BRD10: variants seen among roughly 807,000 people sequenced by gnomAD.
The protein encoded by BRD10 is bromodomain containing 10, also known as uncharacterized bromodomain-containing protein 10.
At chr9:5,996,988 C>T in the BRD10 span, among the ~76,000 whole-genome samples, 14 of 152,178 alleles carry the variant, frequency 9.2e-5, no homozygotes, top group Admixed American at 2.6e-4. Context: ...GGCTTCCTGT[C>T]CCTGGCCAAC....
the BRD10 span, among the ~76,000 whole-genome samples, chr9:5,902,355 G>A: frequency 6.6e-6 from 1 of 151,996 alleles, no homozygotes; most frequent in Non-Finnish European, 1.5e-5. Flanking sequence ...AGTAGTTTGT[G>A]CCTTTTTATT....
At chr9:5,919,847 G>A in the BRD10 span, 2 of 1,613,910 alleles carry the variant, frequency 1.2e-6, no homozygotes, top group Non-Finnish European at 1.7e-6. Flanking sequence ...GGCTCCTTCT[G>A]GGCTAACCAA....
chr9:5,930,100 A>G, the BRD10 span, among the ~76,000 whole-genome samples: 5,192 of 149,992 alleles, frequency 0.035, 242 homozygotes, highest in South Asian at 0.11. Flanking sequence ...ACCATCACCT[A>G]CTGTTACATA....
At chr9:5,901,756 A>G in the BRD10 span, among the ~76,000 whole-genome samples, 1 of 152,074 alleles carries the variant, frequency 6.6e-6, no homozygotes. Flanking sequence ...TCCTGAGCAC[A>G]AGCAATCCAC....
At chr9:5,939,196 G>A in the BRD10 span, among the ~76,000 whole-genome samples, 1 of 152,030 alleles carries the variant, frequency 6.6e-6, no homozygotes, top group Non-Finnish European at 1.5e-5. Context: ...CGTTATTAAT[G>A]TTATAAAACC....
the BRD10 span, among the ~76,000 whole-genome samples, chr9:5,933,558 C>G: frequency 6.6e-6 from 1 of 152,180 alleles, no homozygotes; most frequent in Non-Finnish European, 1.5e-5. Flanking sequence ...ATTGCTACAA[C>G]AAGGAACTGG....
the BRD10 span, among the ~76,000 whole-genome samples, chr9:5,949,859 T>C: frequency 6.6e-6 from 1 of 152,194 alleles, no homozygotes; most frequent in African/African-American, 2.4e-5. Context: ...AAAGTAACTA[T>C]TAGGAAAACT....
the BRD10 span, among the ~76,000 whole-genome samples, chr9:5,954,685 A>C: frequency 6.6e-6 from 1 of 152,244 alleles, no homozygotes; most frequent in Non-Finnish European, 1.5e-5. Flanking sequence ...TTGTGGAATC[A>C]GAAACCACTG....
At chr9:5,928,426 T>G in the BRD10 span, among the ~76,000 whole-genome samples, 3 of 152,180 alleles carry the variant, frequency 2.0e-5, no homozygotes, top group African/African-American at 7.2e-5. Context: ...TTCAATGGCT[T>G]CTCACCTAAC....
chr9:5,916,999 G>T, the BRD10 span, among the ~76,000 whole-genome samples: 1 of 152,106 alleles, frequency 6.6e-6, no homozygotes, highest in Non-Finnish European at 1.5e-5. Flanking sequence ...TCCATTAATC[G>T]AATTTCTAGT....
the BRD10 span, among the ~76,000 whole-genome samples, chr9:5,964,418 G>C: frequency 2.9e-4 from 44 of 151,620 alleles, no homozygotes; most frequent in East Asian, 8.4e-3. Flanking sequence ...AGGTGCTGGA[G>C]AGGATGTGGA....
the BRD10 span, among the ~76,000 whole-genome samples, chr9:5,883,628 G>A: frequency 3.3e-5 from 5 of 151,618 alleles, no homozygotes; most frequent in African/African-American, 9.7e-5. Context: ...AACATGCCTG[G>A]CTAATTTTAT....
the BRD10 span, chr9:5,919,428 T>C: frequency 2.7e-6 from 1 of 368,408 alleles, no homozygotes; most frequent in African/African-American, 2.0e-5. Context: ...AGGTAAATCC[T>C]GACTTTAAAC....
chr9:5,892,617 C>T, the BRD10 span: 1 of 1,331,000 alleles, frequency 7.5e-7, no homozygotes. Flanking sequence ...CTGCTGACTT[C>T]CACCAGTACA....
chr9:5,925,722 AAAGT>A, the BRD10 span, among the ~76,000 whole-genome samples: 1 of 152,222 alleles, frequency 6.6e-6, no homozygotes, highest in Non-Finnish European at 1.5e-5. Context: ...ACAAAGCTGA[AAAGT>A]AATCTTTCAC....
the BRD10 span, among the ~76,000 whole-genome samples, chr9:5,937,478 T>A: frequency 1.4e-4 from 21 of 152,224 alleles, no homozygotes; most frequent in East Asian, 4.1e-3. Flanking sequence ...GAGGTTGCAG[T>A]GAGCCGAGAT....
At chr9:5,982,840 T>A in the BRD10 span, among the ~76,000 whole-genome samples, 1 of 152,294 alleles carries the variant, frequency 6.6e-6, no homozygotes, top group South Asian at 2.1e-4. Flanking sequence ...GGATAGAGAT[T>A]GGCATCTGGG....
At chr9:5,922,982 G>A in the BRD10 span, 5 of 1,613,962 alleles carry the variant, frequency 3.1e-6, no homozygotes, top group Non-Finnish European at 3.4e-6. Context: ...AGCCTGAATG[G>A]GTTTGGTCCC....
the BRD10 span, among the ~76,000 whole-genome samples, chr9:5,992,637 A>G: frequency 1.3e-5 from 2 of 152,098 alleles, no homozygotes; most frequent in Non-Finnish European, 2.9e-5. Flanking sequence ...GAAAATAATA[A>G]TATGCTGCCA....
Sources: gnomAD v4.1 joint callset for allele counts (sites outside exome capture counted in the v4.1 genomes callset) on GRCh38, gnomAD v4.1.1 for gene constraint, MANE v1.5 for transcripts, NCBI Gene and HGNC (gene_info 2026-07-23, HGNC 2026-07-21) for gene names.